Variants in GALC observed in about 807,000 individuals in gnomAD.
The protein encoded by GALC is galactocerebrosidase.
In GALC, 77 loss-of-function variants were observed where a neutral mutation model predicts 91.8. The ratio of observed to expected loss-of-function variants is 0.84; its 90% CI spans 0.70 to 1.01. The LOEUF is 1.01. GALC is among the 50% of genes least tolerant of loss of function. GALC has a pLI of 0.00. For missense variants in GALC, 882 were observed against 855.9 expected, an observed-to-expected ratio of 1.03 and a Z score of -0.38; for synonymous variants, 357 against 306.7, an observed-to-expected ratio of 1.16 and a Z score of -1.71.
At chr14:87,965,967 G>A (rs987608444) in intron 8 of GALC, among the ~76,000 whole-genome samples, 1 of 152,070 alleles carries the variant, frequency 6.6e-6, no homozygotes, top group Non-Finnish European at 1.5e-5. Flanking sequence ...TACAAATAAA[G>A]GCTTTGTGCA....
At chr14:87,943,883 G>C (rs4445832) in intron 14 of GALC, among the ~76,000 whole-genome samples, 51,071 of 151,868 alleles carry the variant, frequency 0.34, 9,658 homozygotes, top group East Asian at 0.63. Flanking sequence ...AAATTATAAA[G>C]GGTCTTGGAA....
chr14:87,974,819 A>G (rs1030107177), intron 7 of GALC, among the ~76,000 whole-genome samples: 4 of 152,072 alleles, frequency 2.6e-5, no homozygotes, highest in Non-Finnish European at 5.9e-5. Context: ...ATTAATGATA[A>G]AACAGCCCTA....
intron 6 of GALC, among the ~76,000 whole-genome samples, chr14:87,977,321 A>G (rs12587119): frequency 0.31 from 46,904 of 152,068 alleles, 8,500 homozygotes; most frequent in East Asian, 0.58. Context: ...GGAAATAAAC[A>G]AAGCACAAAC....
chr14:87,992,741 C>T, intron 1 of GALC: 1 of 1,422,030 alleles, frequency 7.0e-7, no homozygotes, highest in Non-Finnish European at 9.2e-7. Flanking sequence ...ACCTCCGGAT[C>T]CTCATTTGTT....
intron 5 of GALC, among the ~76,000 whole-genome samples, chr14:87,982,972 T>C (rs375455389): frequency 4.6e-5 from 7 of 152,324 alleles, no homozygotes; most frequent in African/African-American, 1.2e-4. Context: ...TACTTGTGAC[T>C]GTACCATAAG....
At chr14:87,944,182 G>A (rs1595192644) in intron 14 of GALC, among the ~76,000 whole-genome samples, 1 of 151,878 alleles carries the variant, frequency 6.6e-6, no homozygotes, top group Admixed American at 6.6e-5. Flanking sequence ...TCAAATATAT[G>A]AAGATCTGGG....
chr14:87,979,644 G>GT (rs1886655469), intron 6 of GALC, among the ~76,000 whole-genome samples: 1 of 152,152 alleles, frequency 6.6e-6, no homozygotes, highest in South Asian at 2.1e-4. Flanking sequence ...AATGGAAACC[G>GT]TAATACTTTT....
At chr14:87,981,332 A>G (rs1886739875) in intron 6 of GALC, 2 of 152,564 alleles carry the variant, frequency 1.3e-5, no homozygotes, top group Non-Finnish European at 2.9e-5. Context: ...GTGAGGGATA[A>G]AAGACTACAA....
rs777305549 is a variant in GALC at position 87,950,702 on chromosome 14, T to A, written c.1208A>T (p.Asn403Ile). Reference protein sequence around the residue: ...KCIRPFLPYFNVSQQFATFVL... With the variant: ...KCIRPFLPYFIVSQQFATFVL... Reference sequence around the variant, plus strand: ...AAAGGTGGCAAATTGTTGTGACACATTGAAATAAGGAAGAAATGGCCGTAT... The same window carrying A: ...AAAGGTGGCAAATTGTTGTGACACAATGAAATAAGGAAGAAATGGCCGTAT... The change falls in exon 11 of 17, where the codon AAT (asparagine) becomes ATT (isoleucine). Residue 403 changes from asparagine (N) to isoleucine (I), a missense_variant. Coordinates refer to ENST00000261304, the MANE Select transcript of GALC (RefSeq NM_000153.4). 5.6e-6 allele frequency: 9 copies of A among 1,608,438 alleles called. No homozygotes were observed. The highest frequency in any genetic ancestry group is 7.7e-6 in the Non-Finnish European group (9 of 1,176,216).
chr14:87,953,512 G>C, intron 10 of GALC: 1 of 1,606,250 alleles, frequency 6.2e-7, no homozygotes, highest in South Asian at 1.1e-5. Flanking sequence ...AGGATCTCAA[G>C]AACTTTTCAG....
rs1016857016 is a variant in GALC, at chr14:87,933,142, A to C, written c.*1590T>G. ...CAAACCACTGAATCACACAACATGG[A>C]CAAATCTCAAATCATTATGCTGATG... On this transcript the variant is annotated 3_prime_UTR_variant, in exon 17 of 17. Coordinates refer to ENST00000261304, the MANE Select transcript of GALC (RefSeq NM_000153.4). 1.3e-5 allele frequency: 2 copies of C among 152,220 alleles called. No individual in the cohort carries two copies. The highest frequency in any genetic ancestry group is 2.9e-5 in the Non-Finnish European group (2 of 68,028). 9.4% of individuals were successfully genotyped at this position (152,220 alleles called of 1,614,324 possible). A position where few individuals can be genotyped will look rare whatever the true frequency, so the allele number is the denominator to read the frequency against.
chr14:87,965,408 C>T (rs903944990), intron 9 of GALC, 97 bp downstream of exon 9: 13 of 1,305,956 alleles, frequency 1.0e-5, no homozygotes, highest in Non-Finnish European at 8.9e-6. Flanking sequence ...ACTTAAAACA[C>T]GCATAGACAC....
chr14:87,993,246 C>A (rs554373001), upstream of GALC: 101 of 1,542,292 alleles, frequency 6.5e-5, no homozygotes, highest in African/African-American at 8.2e-5. Context: ...GCCGCTGATG[C>A]TGACGCCGCC....
chr14:87,988,645 A>C, intron 1 of GALC, 122 bp from the exon 2 acceptor site: 2 of 781,454 alleles, frequency 2.6e-6, no homozygotes, highest in South Asian at 2.8e-5. Context: ...CAGGCTGAGG[A>C]AAAGTTCCTC....
intron 5 of GALC, among the ~76,000 whole-genome samples, chr14:87,983,175 T>C (rs927669070): frequency 5.9e-5 from 9 of 151,498 alleles, no homozygotes; most frequent in African/African-American, 2.2e-4. Flanking sequence ...CCGTCTCTAA[T>C]AAAAAGAAAA....
At position 87,934,684 on chromosome 14, in the gene GALC, A is replaced by T. The variant is rs1304581954; in HGVS notation, c.*48T>A. ...AAGAATTGGCTCTGAACCAAAACCAAAAAGAAGGGAAGAAAATCCAGAGTA... is the reference window on the plus strand; with the variant it reads ...AAGAATTGGCTCTGAACCAAAACCATAAAGAAGGGAAGAAAATCCAGAGTA... On this transcript the variant is annotated 3_prime_UTR_variant, in exon 17 of 17. Transcript: ENST00000261304. 30 of 1,611,854 alleles carry T rather than the reference A, an allele frequency of 1.9e-5. No individual in the cohort carries two copies. Among genetic ancestry groups the T allele is most frequent in the Non-Finnish European group, 2.5e-5 (29 of 1,178,914 alleles).
chr14:87,954,859 C>A, intron 10 of GALC: 1 of 1,605,126 alleles, frequency 6.2e-7, no homozygotes, highest in South Asian at 1.1e-5. Flanking sequence ...TAGCTGCTTG[C>A]CATTTACTAT....
chr14:87,941,259 C>T, intron 15 of GALC, 136 bp downstream of exon 15: 2 of 667,618 alleles, frequency 3.0e-6, no homozygotes, highest in South Asian at 1.8e-5. Context: ...TTGGTATTTG[C>T]TTACATCCCT....
chr14:87,953,452 G>C, intron 10 of GALC: 1 of 1,555,648 alleles, frequency 6.4e-7, no homozygotes, highest in Non-Finnish European at 8.8e-7. Context: ...TCCTAAAACA[G>C]AAAATAGCCA....
Sources: gnomAD v4.1 joint callset for allele counts (sites outside exome capture counted in the v4.1 genomes callset) on GRCh38, gnomAD v4.1.1 for gene constraint, MANE v1.5 for transcripts, NCBI Gene and HGNC (gene_info 2026-07-23, HGNC 2026-07-21) for gene names.